SPAG6: variants seen among roughly 807,000 people sequenced by gnomAD.
The protein encoded by SPAG6 is sperm-associated antigen 6.
Under a neutral mutation model 58.5 loss-of-function variants are expected in SPAG6, and 49 were observed. The observed-to-expected ratio is 0.84, with a 90% CI of 0.67 to 1.06. SPAG6 has a LOEUF of 1.06. Among genes scored for constraint, SPAG6 ranks in the 50% least tolerant of loss-of-function variants. SPAG6 has a pLI of 0.00. For missense variants in SPAG6, 560 were observed against 611.3 expected (o/e 0.92, Z 0.89); for synonymous variants, 233 against 225.6 (o/e 1.03, Z -0.29).
intron 4 of SPAG6, among the ~76,000 whole-genome samples, chr10:22,380,207 C>A (rs1833916464): frequency 6.6e-6 from 1 of 152,204 alleles, no homozygotes; most frequent in African/African-American, 2.4e-5. Flanking sequence ...TTCACCCAAT[C>A]ATGAAAAATT....
In SPAG6 at chr10:22,408,905, G is replaced by A. The variant is rs188173253; in HGVS notation, c.1315-2126G>A. ...GTGGGAGTGACCCGATTTTCCAGGT[G>A]CCGTCTGTCACCCCTTTCTTTGACT... On this transcript the variant is annotated intron_variant, in intron 9 of 10. Coordinates refer to ENST00000376624, the MANE Select transcript of SPAG6 (RefSeq NM_012443.4). Among the ~76,000 whole-genome samples, 965 of 152,302 alleles carry A rather than the reference G, an allele frequency of 6.3e-3. 8 individuals carry two copies. Among genetic ancestry groups the A allele is most frequent in the Admixed American group, 0.017 (261 of 15,300 alleles).
chr10:22,373,652 G>A (rs1259579461), intron 4 of SPAG6, among the ~76,000 whole-genome samples: 1 of 152,184 alleles, frequency 6.6e-6, no homozygotes, highest in Non-Finnish European at 1.5e-5. Context: ...TAAAGGCCCT[G>A]CAGACAGCCG....
rs543901769 is a variant in SPAG6, at chr10:22,377,923, A to G, written c.473-8831A>G. On this transcript the variant is annotated intron_variant, in intron 4 of 10. Transcript: ENST00000376624. The stretch of plus-strand genomic sequence containing the variant: ...AGGAGTGAATACCTTTGAAGTTTGA[A>G]TAATAACATGCATTTTCCATGGTTT... 2.0e-5 allele frequency among the ~76,000 whole-genome samples: 3 copies of G among 152,268 alleles called. No homozygotes were observed. In the South Asian group the frequency reaches 6.2e-4, roughly 32 times the overall value.
At chr10:22,411,734 A>G (rs1326855491) in intron 10 of SPAG6, 1 of 152,170 alleles carries the variant, frequency 6.6e-6, no homozygotes, top group Non-Finnish European at 1.5e-5. Context: ...GTTGATTTGC[A>G]GAGCATTCAA....
chr10:22,388,733 T>C (rs1588660942), intron 6 of SPAG6, among the ~76,000 whole-genome samples: 1 of 152,180 alleles, frequency 6.6e-6, no homozygotes, highest in South Asian at 2.1e-4. Context: ...CAGCTAGTAA[T>C]CATTACTAGC....
chr10:22,381,178 T>C (rs1479585399), intron 4 of SPAG6, among the ~76,000 whole-genome samples: 1 of 152,094 alleles, frequency 6.6e-6, no homozygotes, highest in Non-Finnish European at 1.5e-5. Context: ...AGAAAGAACA[T>C]CACCTTTCCA....
chr10:22,387,804 T>C lies in SPAG6; in HGVS notation c.679-19T>C, dbSNP rs779945613. The C allele has an allele frequency of 2.9e-6, 4 of 1,401,116 alleles. No homozygotes were observed. Among genetic ancestry groups the C allele is most frequent in the Non-Finnish European group, 3.9e-6 (4 of 1,037,888 alleles). 86.8% of individuals were successfully genotyped at this position (1,401,116 alleles called of 1,614,324 possible). On this transcript the variant is annotated intron_variant, in intron 5 of 10. Transcript: ENST00000376624. The stretch of plus-strand genomic sequence containing the variant: ...GCTATATAGTGTTTTGTTGTTGTTG[T>C]TTTTTTTTTGCTTCACAGCATCAGA...
intron 8 of SPAG6, among the ~76,000 whole-genome samples, chr10:22,392,385 A>T (rs1215741764): frequency 6.6e-6 from 1 of 152,066 alleles, no homozygotes; most frequent in East Asian, 1.9e-4. Flanking sequence ...TATATGTCTT[A>T]TATTTGTTTC....
intron 2 of SPAG6, among the ~76,000 whole-genome samples, chr10:22,351,382 T>C (rs577599909): frequency 5.9e-5 from 9 of 152,290 alleles, no homozygotes; most frequent in Middle Eastern, 3.4e-3. Context: ...CCACTGGAAG[T>C]TGGGAACCGA....
At chr10:22,374,446 T>C (rs1833770961) in intron 4 of SPAG6, among the ~76,000 whole-genome samples, 1 of 151,934 alleles carries the variant, frequency 6.6e-6, no homozygotes, top group Admixed American at 6.6e-5. Context: ...ATATAATGCA[T>C]TGAGTGACTA....
At chr10:22,346,436 CTT>C (rs1491293007) in intron 2 of SPAG6, among the ~76,000 whole-genome samples, 64 of 113,782 alleles carry the variant, frequency 5.6e-4, no homozygotes, top group Non-Finnish European at 9.7e-4. Context: ...AATGGTTCTT[CTT>C]CTTCTTCTTC....
At chr10:22,376,484 GTGTC>G (rs754371908) in intron 4 of SPAG6, among the ~76,000 whole-genome samples, 1 of 152,132 alleles carries the variant, frequency 6.6e-6, no homozygotes, top group Non-Finnish European at 1.5e-5. Flanking sequence ...TAAAATTACT[GTGTC>G]TGTGCTTTGT....
chr10:22,346,490 C>CTTCTTCTTCTTCTTCT (rs1554776496), intron 2 of SPAG6, among the ~76,000 whole-genome samples: 17 of 135,622 alleles, frequency 1.3e-4, no homozygotes, highest in African/African-American at 4.2e-4. Flanking sequence ...TCTTCTTCTT[C>CTTCTTCTTCTTCTTCT]TTCTTCTTTC....
chr10:22,384,160 T>C (rs1380958328), intron 4 of SPAG6, among the ~76,000 whole-genome samples: 1 of 152,230 alleles, frequency 6.6e-6, no homozygotes, highest in Admixed American at 6.5e-5. Flanking sequence ...ATATTGGTGA[T>C]TTCTTCCATT....
chr10:22,386,972 A>G lies in SPAG6; in HGVS notation c.678+13A>G. The G allele has an allele frequency of 6.3e-7, 1 of 1,598,460 alleles. No homozygotes were observed. Among genetic ancestry groups the G allele is most frequent in the Non-Finnish European group, 8.6e-7 (1 of 1,167,082 alleles). On this transcript the variant is annotated intron_variant, in intron 5 of 10. Coordinates refer to ENST00000376624, the MANE Select transcript of SPAG6 (RefSeq NM_012443.4). ...TGCTAAATTGAAGGTATTTCAAAAT[A>G]AGGTTGAAAAATACATCAGCCTTCT... is the stretch of plus-strand genomic sequence containing the variant.
chr10:22,366,158 C>G (rs1216365827), intron 3 of SPAG6, among the ~76,000 whole-genome samples: 1 of 152,184 alleles, frequency 6.6e-6, no homozygotes, highest in Non-Finnish European at 1.5e-5. Context: ...AAGGTGAAAG[C>G]AACCTAATCC....
At chr10:22,372,762 T>TAA (rs55634830) in intron 4 of SPAG6, among the ~76,000 whole-genome samples, 11 of 126,872 alleles carry the variant, frequency 8.7e-5, no homozygotes, top group Non-Finnish European at 1.2e-4. Context: ...GAGCTTTAGC[T>TAA]AAAAAAAAAA....
intron 2 of SPAG6, among the ~76,000 whole-genome samples, chr10:22,355,198 G>A (rs936500212): frequency 6.6e-6 from 1 of 152,188 alleles, no homozygotes; most frequent in Non-Finnish European, 1.5e-5. Flanking sequence ...AGACAGTAGG[G>A]AGGAGAAACC....
intron 9 of SPAG6, among the ~76,000 whole-genome samples, chr10:22,405,201 C>T (rs1294150757): frequency 6.6e-6 from 1 of 151,682 alleles, no homozygotes; most frequent in Non-Finnish European, 1.5e-5. Context: ...GAGAGGGCAT[C>T]CCTGTCTTGT....
Sources: gnomAD v4.1 joint callset for allele counts (sites outside exome capture counted in the v4.1 genomes callset) on GRCh38, gnomAD v4.1.1 for gene constraint, MANE v1.5 for transcripts, NCBI Gene and HGNC (gene_info 2026-07-23, HGNC 2026-07-21) for gene names.